The following CLSTN1 variants were observed in gnomAD, a reference collection of about 807,000 sequenced individuals.
CLSTN1 encodes the protein calsyntenin 1, also known as calsyntenin-1.
CLSTN1 carries 28 observed loss-of-function variants against 108.3 expected under a neutral mutation model. That is an observed-to-expected ratio of 0.26 (90% CI 0.19 to 0.35). CLSTN1 has a LOEUF of 0.35. CLSTN1 is among the 10% of genes least tolerant of loss of function. CLSTN1 has a pLI of 1.00. For missense variants in CLSTN1, 1,157 were observed against 1,302.6 expected, an observed-to-expected ratio of 0.89 and a Z score of 1.72; for synonymous variants, 524 against 534.9, an observed-to-expected ratio of 0.98 and a Z score of 0.28.
chr1:9,815,468 A>G (rs897007159), intron 1 of CLSTN1, among the ~76,000 whole-genome samples: 1 of 152,238 alleles, frequency 6.6e-6, no homozygotes, highest in Non-Finnish European at 1.5e-5. Flanking sequence ...AATTGGTTGG[A>G]TGAAATGCCG....
At chr1:9,810,214 G>C (rs1317786566) in intron 1 of CLSTN1, among the ~76,000 whole-genome samples, 1 of 132,872 alleles carries the variant, frequency 7.5e-6, no homozygotes, top group Non-Finnish European at 1.6e-5. Context: ...GGTGGCTCAC[G>C]CCTCTAATCC....
intron 1 of CLSTN1, among the ~76,000 whole-genome samples, chr1:9,811,170 G>A (rs981675498): frequency 1.3e-5 from 2 of 152,096 alleles, no homozygotes; most frequent in Non-Finnish European, 2.9e-5. Flanking sequence ...CAGTAATGTC[G>A]TAGTTGTTAT....
At chr1:9,786,576 G>A (rs2101207942) in intron 1 of CLSTN1, among the ~76,000 whole-genome samples, 1 of 149,960 alleles carries the variant, frequency 6.7e-6, no homozygotes, top group South Asian at 2.2e-4. Context: ...CCGGGAGGTG[G>A]AGGTTGCAGT....
intron 1 of CLSTN1, among the ~76,000 whole-genome samples, chr1:9,778,879 C>T (rs1031138309): frequency 6.6e-6 from 1 of 151,932 alleles, no homozygotes; most frequent in African/African-American, 2.4e-5. Flanking sequence ...AAAAATTAGC[C>T]GGGCGTGGTG....
intron 1 of CLSTN1, among the ~76,000 whole-genome samples, chr1:9,788,703 TA>T (rs1357661196): frequency 1.1e-4 from 16 of 150,924 alleles, no homozygotes; most frequent in Non-Finnish European, 2.4e-4. Context: ...CCATCTCTAC[TA>T]AAAAATGCAA....
intron 1 of CLSTN1, among the ~76,000 whole-genome samples, chr1:9,799,987 A>C (rs933451205): frequency 4.6e-5 from 7 of 152,166 alleles, no homozygotes; most frequent in African/African-American, 1.7e-4. Flanking sequence ...TAACACGTGG[A>C]TCAACAAAGA....
intron 1 of CLSTN1, among the ~76,000 whole-genome samples, chr1:9,774,576 A>AT (rs1652846733): frequency 6.6e-6 from 1 of 151,968 alleles, no homozygotes; most frequent in Non-Finnish European, 1.5e-5. Flanking sequence ...AAAAAAAAAA[A>AT]AATAATCCAC....
At chr1:9,820,456 T>C (rs1197593113) in intron 1 of CLSTN1, among the ~76,000 whole-genome samples, 1 of 151,870 alleles carries the variant, frequency 6.6e-6, no homozygotes, top group Non-Finnish European at 1.5e-5. Flanking sequence ...GAGGCGGAGG[T>C]TGCAGTGAGA....
intron 7 of CLSTN1, among the ~76,000 whole-genome samples, chr1:9,746,942 G>A (rs991276245): frequency 6.6e-6 from 1 of 152,012 alleles, no homozygotes; most frequent in Non-Finnish European, 1.5e-5. Context: ...CACTTTGGGA[G>A]GCCGAGGTGG....
chr1:9,744,133 C>G, intron 8 of CLSTN1, 128 bp from the exon 9 acceptor site: 1 of 1,341,062 alleles, frequency 7.5e-7, no homozygotes. Context: ...TAAGCCAAGG[C>G]AGGGCTTAGA....
intron 1 of CLSTN1, among the ~76,000 whole-genome samples, chr1:9,816,215 A>G (rs1654962998): frequency 6.6e-6 from 1 of 152,226 alleles, no homozygotes; most frequent in Non-Finnish European, 1.5e-5. Flanking sequence ...TACAACATGG[A>G]TGAACCTTGA....
chr1:9,750,023 G>A (rs191235168), intron 5 of CLSTN1, 110 bp from the exon 6 acceptor site: 1 of 863,988 alleles, frequency 1.2e-6, no homozygotes, highest in East Asian at 2.6e-5. Context: ...TAAATACTCA[G>A]CCAGAAATAA....
chr1:9,748,556 T>G (rs1463846031), intron 7 of CLSTN1, among the ~76,000 whole-genome samples: 1 of 152,226 alleles, frequency 6.6e-6, no homozygotes, highest in Non-Finnish European at 1.5e-5. Context: ...GGCGTGATCT[T>G]GGCTCACTGC....
chr1:9,770,626 G>A (rs1043107713), intron 2 of CLSTN1, among the ~76,000 whole-genome samples: 3 of 152,164 alleles, frequency 2.0e-5, no homozygotes, highest in African/African-American at 7.2e-5. Context: ...TGGTTATTGG[G>A]GATTAAATAC....
In CLSTN1 at chr1:9,737,059, C is replaced by A. The variant is rs1216821890; in HGVS notation, c.1576+439G>T. On this transcript the variant is annotated intron_variant, in intron 11 of 18. Coordinates refer to ENST00000377298, the MANE Select transcript of CLSTN1 (RefSeq NM_001009566.3). ...CTGCACTCCAGCCCAGACAACAGAG[C>A]GGGACTCCATCTCAAAACAAAAAAA... Among the ~76,000 whole-genome samples, 4 of 151,768 alleles carry A rather than the reference C, an allele frequency of 2.6e-5. No homozygotes were observed. The South Asian group carries it at 8.3e-4, about 32-fold the overall frequency.
chr1:9,739,079 T>A (rs542332758), intron 10 of CLSTN1, among the ~76,000 whole-genome samples: 1 of 152,268 alleles, frequency 6.6e-6, no homozygotes, highest in Admixed American at 6.5e-5. Flanking sequence ...AGGGTCAAGG[T>A]GGGAATCATG....
At position 9,760,364 on chromosome 1, in the gene CLSTN1, C is replaced by A. The variant is rs80228620; in HGVS notation, c.215-3854G>T. ...GGCAGACCTGGGTCTTCCACACCAG[C>A]CTTGCAACCGAGCCCATCACTGCAG... On this transcript the variant is annotated intron_variant, in intron 2 of 18. Transcript: ENST00000377298. Among the ~76,000 whole-genome samples, 930 of 152,260 alleles carry A rather than the reference C, an allele frequency of 6.1e-3. 16 individuals are homozygous for A. The highest frequency in any genetic ancestry group is 0.022 in the African/African-American group (899 of 41,544).
rs951542126 is a variant in CLSTN1 at position 9,734,911 on chromosome 1, C to T, written c.2110+37G>A. 4.5e-6 allele frequency: 7 copies of T among 1,569,582 alleles called. No homozygotes were observed. The highest frequency in any genetic ancestry group is 1.7e-5 in the Admixed American group (1 of 59,804). On this transcript the variant is annotated intron_variant, in intron 14 of 18. Coordinates refer to ENST00000377298, the MANE Select transcript of CLSTN1 (RefSeq NM_001009566.3). The surrounding 1 kb of genome is among the most constrained non-coding windows in gnomAD (Gnocchi z 4.8). ...ACATGGGGACAATGGGGTTTCCGGC[C>T]GAGGCGAGGGAGCCCGCGCCCCACA...
chr1:9,774,817 T>C (rs1317845708), intron 1 of CLSTN1, among the ~76,000 whole-genome samples: 1 of 152,172 alleles, frequency 6.6e-6, no homozygotes, highest in East Asian at 1.9e-4. Context: ...AGAGCAGCCC[T>C]GAGGGCTGCT....
Sources: allele counts gnomAD v4.1 joint callset (sites outside exome capture counted in the v4.1 genomes callset), GRCh38; gene constraint gnomAD v4.1.1; non-coding constraint Gnocchi (gnomAD v3.1); transcripts MANE v1.5; gene names NCBI Gene and HGNC (gene_info 2026-07-23, HGNC 2026-07-21).